The following TCTN3 variants were observed in gnomAD, a reference collection of about 807,000 sequenced individuals.
The protein encoded by TCTN3 is tectonic-3.
In TCTN3, 57 loss-of-function variants were observed where a neutral mutation model predicts 71.3. The ratio of observed to expected loss-of-function variants is 0.80; its 90% CI spans 0.65 to 1.00. The LOEUF (loss-of-function observed/expected upper bound fraction) is 1.00, where lower values mean the gene tolerates loss of function less well. Ranked by LOEUF, TCTN3 falls within the 50% of genes least tolerant of loss-of-function variation. The pLI is 0.00. For synonymous variants in TCTN3, 258 were observed against 267.8 expected, an observed-to-expected ratio of 0.96 and a Z score of 0.36; for missense variants, 696 against 719.9, an observed-to-expected ratio of 0.97 and a Z score of 0.38.
chr10:95,691,418 G>A (rs552768202), intron 3 of TCTN3, among the ~76,000 whole-genome samples: 1 of 152,186 alleles, frequency 6.6e-6, no homozygotes, highest in East Asian at 1.9e-4. Context: ...CCTCCCAAGT[G>A]CTAAGATTAC....
At chr10:95,693,587 C>T (rs1171848295) in intron 1 of TCTN3, 57 bp downstream of exon 1, 1 of 1,546,682 alleles carries the variant, frequency 6.5e-7, no homozygotes, top group Non-Finnish European at 8.7e-7. Flanking sequence ...CTCAACTTTG[C>T]TCACAGAATT....
intron 13 of TCTN3, among the ~76,000 whole-genome samples, chr10:95,679,959 A>G (rs1013053115): frequency 6.6e-6 from 1 of 152,240 alleles, no homozygotes; most frequent in Non-Finnish European, 1.5e-5. Flanking sequence ...TTAAACACCA[A>G]GGCAGATGCT....
chr10:95,663,999 T>C lies in TCTN3; in HGVS notation c.*68A>G. On this transcript the variant is annotated 3_prime_UTR_variant, in exon 14 of 14. Transcript: ENST00000371217. ...GGTCATGAGCAGGTGAGGTTCTATT[T>C]AGCCAAGATAAGTGGCTGCCTCAGA... The C allele has an allele frequency of 3.7e-6, 5 of 1,352,104 alleles. No homozygotes were observed. Among genetic ancestry groups the C allele is most frequent in the Non-Finnish European group, 5.3e-6 (5 of 948,534 alleles). 83.8% of individuals were successfully genotyped at this position (1,352,104 alleles called of 1,614,324 possible).
In TCTN3 at chr10:95,677,300, G is replaced by T. The variant is rs183878510; in HGVS notation, c.1590+3172C>A. ...TTAGAACCCTAAATAGTATAAAATT[G>T]TAAGTGGCAGAATACCATATAAACA... On this transcript the variant is annotated intron_variant, in intron 13 of 13. Coordinates refer to ENST00000371217, the MANE Select transcript of TCTN3 (RefSeq NM_015631.6). Among the ~76,000 whole-genome samples, 12 of 152,164 alleles carry T rather than the reference G, an allele frequency of 7.9e-5. No individual in the cohort carries two copies. The East Asian group carries it at 2.3e-3, about 29-fold the overall frequency.
chr10:95,680,703 C>A, intron 12 of TCTN3, 94 bp from the exon 13 acceptor site: 2 of 1,458,736 alleles, frequency 1.4e-6, no homozygotes, highest in Non-Finnish European at 1.8e-6. Context: ...AAGCATTATT[C>A]AGTAATAAGG....
intron 11 of TCTN3, 30 bp from the exon 12 acceptor site, chr10:95,682,834 C>T: frequency 6.2e-7 from 1 of 1,604,320 alleles, no homozygotes. Context: ...AGGCTGCAGT[C>T]CAATGCTAAC....
At chr10:95,677,930 A>T (rs1319883705) in intron 13 of TCTN3, among the ~76,000 whole-genome samples, 1 of 152,248 alleles carries the variant, frequency 6.6e-6, no homozygotes, top group Non-Finnish European at 1.5e-5. Flanking sequence ...ATGTTGGCAT[A>T]AACTTAAATA....
At position 95,682,787 on chromosome 10, in the gene TCTN3, C is replaced by T. The variant is rs1263788864; in HGVS notation, c.1316G>A (p.Cys439Tyr). 5.6e-6 allele frequency: 9 copies of T among 1,613,936 alleles called. No individual in the cohort carries two copies. The highest frequency in any genetic ancestry group is 7.6e-6 in the Non-Finnish European group (9 of 1,179,940). The change falls in exon 12 of 14, where the codon TGC becomes TAC. Residue 439 changes from cysteine to tyrosine, a missense_variant. Coordinates refer to ENST00000371217, the MANE Select transcript of TCTN3 (RefSeq NM_015631.6). ...GCKLRLKKAD[C>Y]SHLQQEIYQT... ...ATAAATCTCCTGCTGCAAGTGGCTG[C>T]AGTCTGCCTTCTTCAACCTATAATT... is the stretch of plus-strand genomic sequence containing the variant.
Position 95,673,801 on chromosome 10 carries a change from C to T in TCTN3, c.1590+6671G>A, listed in dbSNP as rs77491511. Among the ~76,000 whole-genome samples, 257 of 152,292 alleles carry T rather than the reference C, an allele frequency of 1.7e-3. 2 individuals carry two copies. Among genetic ancestry groups the T allele is most frequent in the East Asian group, 9.8e-3 (51 of 5,180 alleles). On this transcript the variant is annotated intron_variant, in intron 13 of 13. Transcript: ENST00000371217. ...GCTGCAGTGAACTATGATGGCACCA[C>T]TTCACTCCAGCCTGGGCTGTAACAC...
rs142678101 is a variant in TCTN3 at position 95,669,709 on chromosome 10, T to C, written c.1591-5409A>G. Among the ~76,000 whole-genome samples, 331 of 151,908 alleles carry C rather than the reference T, an allele frequency of 2.2e-3. 1 individual carries two copies. Among genetic ancestry groups the C allele is most frequent in the African/African-American group, 7.5e-3 (312 of 41,426 alleles). ...AATGAGGGGAGATTTCTTTTGGAGG[T>C]AGGGAACTAACATAATAAGAGATTA... On this transcript the variant is annotated intron_variant, in intron 13 of 13. Coordinates refer to ENST00000371217, the MANE Select transcript of TCTN3 (RefSeq NM_015631.6).
Position 95,693,408 on chromosome 10 carries a change from A to G in TCTN3, c.325T>C (p.Cys109Arg). The change falls in exon 2 of 14, where the codon TGC becomes CGC. Residue 109 changes from cysteine to arginine, a missense_variant. Physicochemically the swap from Cys to Arg is radical, Grantham distance 180. Transcript: ENST00000371217. ...ACTGTCCTCGGATGGAGAAGATAGC[A>G]GTCCCTGTCGCAGCAGCAATTTATA... ...CDINCCCDRD[C>R]YLLHPRTVFS... 1 of 1,552,030 alleles carries G rather than the reference A, an allele frequency of 6.4e-7. No homozygotes were observed. The highest frequency in any genetic ancestry group is 8.7e-7 in the Non-Finnish European group (1 of 1,147,042).
chr10:95,682,606 G>C (rs1267576808), intron 12 of TCTN3, 45 bp downstream of exon 12: 3 of 1,581,226 alleles, frequency 1.9e-6, no homozygotes, highest in Non-Finnish European at 2.6e-6. Context: ...GATTTACAAA[G>C]GGGTAAAAAT....
Position 95,682,475 on chromosome 10 carries a change from C to G in TCTN3, c.1452+176G>C, listed in dbSNP as rs553057096. Among the ~76,000 whole-genome samples the G allele has an allele frequency of 9.9e-5, 15 of 151,606 alleles. No homozygotes were observed. In the South Asian group the frequency reaches 3.1e-3, roughly 32 times the overall value. Reference sequence around the variant, plus strand: ...TGCCACCACACTCGAGCCAGGGCAACACAGTGAGACTCCATCTCAAAAAAA... The same window carrying G: ...TGCCACCACACTCGAGCCAGGGCAAGACAGTGAGACTCCATCTCAAAAAAA... On this transcript the variant is annotated intron_variant, in intron 12 of 13. Coordinates refer to ENST00000371217, the MANE Select transcript of TCTN3 (RefSeq NM_015631.6).
intron 13 of TCTN3, among the ~76,000 whole-genome samples, chr10:95,677,474 GTTTTT>G (rs10654251): frequency 1.2e-5 from 1 of 80,738 alleles, no homozygotes. Context: ...GAAGTCTACA[GTTTTT>G]TTTGTTTTTT....
At chr10:95,666,840 G>C (rs2097926186) in intron 13 of TCTN3, among the ~76,000 whole-genome samples, 1 of 152,228 alleles carries the variant, frequency 6.6e-6, no homozygotes, top group South Asian at 2.1e-4. Flanking sequence ...TTGGAATTGG[G>C]ATAGTGGTCT....
At chr10:95,669,679 A>T (rs2097928932) in intron 13 of TCTN3, among the ~76,000 whole-genome samples, 1 of 151,908 alleles carries the variant, frequency 6.6e-6, no homozygotes, top group South Asian at 2.1e-4. Context: ...TTTTTTTTTT[A>T]AACAAATGAG....
At chr10:95,679,154 A>G (rs776424893) in intron 13 of TCTN3, among the ~76,000 whole-genome samples, 1 of 152,192 alleles carries the variant, frequency 6.6e-6, no homozygotes, top group Non-Finnish European at 1.5e-5. Flanking sequence ...CTAACCTGAA[A>G]AGCTAACTTT....
intron 13 of TCTN3, among the ~76,000 whole-genome samples, chr10:95,678,363 C>G (rs1046175972): frequency 6.6e-6 from 1 of 151,840 alleles, no homozygotes. Context: ...GAAACTCCGT[C>G]TTTACTAAAA....
At chr10:95,692,500 C>T (rs1400976220) in intron 3 of TCTN3, among the ~76,000 whole-genome samples, 4 of 148,586 alleles carry the variant, frequency 2.7e-5, no homozygotes, top group South Asian at 2.1e-4. Flanking sequence ...GTGGAGGCTC[C>T]GTCTCAAAAA....
Sources: gnomAD v4.1 joint callset for allele counts (sites outside exome capture counted in the v4.1 genomes callset) on GRCh38, gnomAD v4.1.1 for gene constraint, MANE v1.5 for transcripts, NCBI Gene and HGNC (gene_info 2026-07-23, HGNC 2026-07-21) for gene names.